The following CAMK1D variants were observed in gnomAD, a reference collection of about 807,000 sequenced individuals.
CAMK1D encodes the protein calcium/calmodulin-dependent protein kinase type 1D.
In CAMK1D, 9 loss-of-function variants were observed where a neutral mutation model predicts 47.7. That is an observed-to-expected ratio of 0.19 (90% confidence interval 0.11 to 0.33). CAMK1D has a LOEUF of 0.33. CAMK1D is among the 10% of genes least tolerant of loss of function. The pLI is 1.00. For missense variants in CAMK1D, 291 were observed against 488.7 expected (o/e 0.60, Z 3.81); for synonymous variants, 184 against 184.9 (o/e 0.99, Z 0.04).
At chr10:12,660,267 T>G (rs1840238279) in intron 2 of CAMK1D, among the ~76,000 whole-genome samples, 2 of 152,220 alleles carry the variant, frequency 1.3e-5, no homozygotes, top group Admixed American at 1.3e-4. Flanking sequence ...TTTTTCTTTC[T>G]TTTTCTTAAA....
In CAMK1D at chr10:12,694,442, A is replaced by AATATAAAATAT. The variant is rs1833154421; in HGVS notation, c.299+27636_299+27637insAAAATATATAT. ...TATATATGTTATATATCATATATAA[A>AATATAAAATAT]ATATGAAATATATATGTTATATATC... On this transcript the variant is annotated intron_variant, in intron 3 of 10. Coordinates refer to ENST00000619168, the MANE Select transcript of CAMK1D (RefSeq NM_153498.4). Among the ~76,000 whole-genome samples, 6 of 88,880 alleles carry AATATAAAATAT rather than the reference A, an allele frequency of 6.8e-5. 1 individual carries two copies. The highest frequency in any genetic ancestry group is 3.4e-4 in the East Asian group (1 of 2,908). 58.3% of individuals were successfully genotyped at this position (88,880 alleles called of 152,430 possible). A position where few individuals can be genotyped will look rare whatever the true frequency, so the allele number is the denominator to read the frequency against.
chr10:12,763,082 G>A (rs540024868), intron 4 of CAMK1D, among the ~76,000 whole-genome samples: 3 of 152,320 alleles, frequency 2.0e-5, no homozygotes, highest in South Asian at 2.1e-4. Context: ...ATTAACCTAC[G>A]TAATGCTTTT....
chr10:12,398,875 AT>A (rs1428957258), intron 1 of CAMK1D, among the ~76,000 whole-genome samples: 1 of 151,540 alleles, frequency 6.6e-6, no homozygotes, highest in Non-Finnish European at 1.5e-5. Context: ...TCCTTTTCCT[AT>A]TTTTGTGTTT....
At chr10:12,541,101 A>G (rs553790481) in intron 1 of CAMK1D, among the ~76,000 whole-genome samples, 3 of 152,308 alleles carry the variant, frequency 2.0e-5, no homozygotes, top group African/African-American at 4.8e-5. Context: ...TTGTTCTTCA[A>G]GCCTGTGAAA....
intron 1 of CAMK1D, among the ~76,000 whole-genome samples, chr10:12,449,727 G>A (rs924063322): frequency 2.0e-5 from 3 of 152,172 alleles, no homozygotes; most frequent in African/African-American, 7.2e-5. Flanking sequence ...CATGTTGGCC[G>A]GGCGTGGTGG....
At chr10:12,448,842 G>A (rs184659535) in intron 1 of CAMK1D, among the ~76,000 whole-genome samples, 3 of 152,298 alleles carry the variant, frequency 2.0e-5, no homozygotes, top group East Asian at 1.9e-4. Flanking sequence ...ACAGGGGCAC[G>A]TACGGCTGAG....
chr10:12,671,652 CAT>C (rs995103789), intron 3 of CAMK1D, among the ~76,000 whole-genome samples: 3 of 151,550 alleles, frequency 2.0e-5, no homozygotes, highest in African/African-American at 7.2e-5. Flanking sequence ...TACACACACA[CAT>C]ATATATATTA....
intron 1 of CAMK1D, among the ~76,000 whole-genome samples, chr10:12,395,310 C>T (rs1838904058): frequency 6.6e-6 from 1 of 151,656 alleles, no homozygotes; most frequent in African/African-American, 2.4e-5. Context: ...GACCTGCAGC[C>T]CCCGCCTCCG....
At chr10:12,482,498 A>AT (rs965540079) in intron 1 of CAMK1D, among the ~76,000 whole-genome samples, 9 of 151,972 alleles carry the variant, frequency 5.9e-5, no homozygotes, top group Middle Eastern at 3.4e-3. Context: ...GAATAATAGA[A>AT]TTTTTTTTTC....
At chr10:12,611,983 G>A (rs1268322092) in intron 2 of CAMK1D, among the ~76,000 whole-genome samples, 1 of 152,214 alleles carries the variant, frequency 6.6e-6, no homozygotes, top group East Asian at 1.9e-4. Flanking sequence ...TCTGAGGCCA[G>A]TCCATTAAGG....
intron 5 of CAMK1D, among the ~76,000 whole-genome samples, chr10:12,780,804 C>G (rs1837459001): frequency 6.6e-6 from 1 of 152,224 alleles, no homozygotes; most frequent in Non-Finnish European, 1.5e-5. Context: ...ATACAGGGCA[C>G]AGATGAGTAG....
intron 10 of CAMK1D, among the ~76,000 whole-genome samples, chr10:12,827,468 G>T (rs201143419): frequency 0.27 from 1,025 of 3,762 alleles, 386 homozygotes; most frequent in African/African-American, 0.39. Context: ...TTCTTTGTCT[G>T]TCTGTCTTTC....
At chr10:12,674,895 G>C (rs975400108) in intron 3 of CAMK1D, among the ~76,000 whole-genome samples, 3 of 152,092 alleles carry the variant, frequency 2.0e-5, no homozygotes, top group African/African-American at 7.2e-5. Context: ...AGCTCGGTGT[G>C]ATGGCAGGTG....
intron 9 of CAMK1D, 43 bp downstream of exon 9, chr10:12,824,595 C>T (rs761771196): frequency 1.6e-5 from 23 of 1,462,924 alleles, no homozygotes; most frequent in Admixed American, 1.4e-4. Flanking sequence ...TTAACCCCCT[C>T]GTGACACTGG....
intron 1 of CAMK1D, among the ~76,000 whole-genome samples, chr10:12,464,055 A>AAT (rs1327090601): frequency 1.3e-5 from 2 of 152,062 alleles, no homozygotes; most frequent in East Asian, 3.9e-4. Flanking sequence ...TTCCTTTATA[A>AAT]ATCACTCAGA....
chr10:12,678,117 T>G (rs988448982), intron 3 of CAMK1D, among the ~76,000 whole-genome samples: 2 of 152,184 alleles, frequency 1.3e-5, no homozygotes, highest in Admixed American at 1.3e-4. Context: ...TTTCAAGGTC[T>G]TCTTTTTTAA....
intron 6 of CAMK1D, among the ~76,000 whole-genome samples, chr10:12,793,228 G>T (rs72773649): frequency 0.051 from 7,793 of 152,208 alleles, 222 homozygotes; most frequent in East Asian, 0.066. Flanking sequence ...CTTCCCTGGG[G>T]CTGGGGAAAG....
intron 1 of CAMK1D, among the ~76,000 whole-genome samples, chr10:12,527,678 G>A (rs1835671801): frequency 6.6e-6 from 1 of 152,088 alleles, no homozygotes; most frequent in African/African-American, 2.4e-5. Flanking sequence ...GCCCAGTTTT[G>A]ACTTGCTTTT....
chr10:12,793,871 G>A (rs1181178630), intron 6 of CAMK1D, among the ~76,000 whole-genome samples: 1 of 152,190 alleles, frequency 6.6e-6, no homozygotes, highest in Non-Finnish European at 1.5e-5. Flanking sequence ...GGAAGATGTT[G>A]GAAAGAGGGC....
Sources: allele counts gnomAD v4.1 joint callset (sites outside exome capture counted in the v4.1 genomes callset), GRCh38; gene constraint gnomAD v4.1.1; transcripts MANE v1.5; gene names NCBI Gene and HGNC (gene_info 2026-07-23, HGNC 2026-07-21).